TRIP6: variants seen among roughly 807,000 people sequenced by gnomAD.
The protein encoded by TRIP6 is thyroid receptor-interacting protein 6.
TRIP6 carries 33 observed loss-of-function variants against 51.9 expected under a neutral mutation model. The observed-to-expected ratio is 0.64, with a 90% CI of 0.48 to 0.85. The LOEUF (loss-of-function observed/expected upper bound fraction) is 0.85, where lower values mean the gene tolerates loss of function less well. Among genes scored for constraint, TRIP6 ranks in the 40% least tolerant of loss-of-function variants. The probability of loss-of-function intolerance (pLI) is 0.00; values close to 1 mark genes in which losing one functional copy is unlikely to be tolerated. For synonymous variants in TRIP6, 255 were observed against 275.8 expected (o/e 0.92, Z 0.75); for missense variants, 661 against 652.1 (o/e 1.01, Z -0.15).
rs73396638 is a variant in TRIP6 at position 100,869,901 on chromosome 7, A to G, written c.736-469A>G. Among the ~76,000 whole-genome samples the G allele has an allele frequency of 4.5e-3, 678 of 151,572 alleles. 4 individuals carry two copies. The highest frequency in any genetic ancestry group is 0.015 in the African/African-American group (640 of 41,398). ...TTTATTTCTGTTATAATAATAATAG[A>G]ATATATAGTATATATAATTGTTTCG... On this transcript the variant is annotated intron_variant, in intron 4 of 8. Coordinates refer to ENST00000200457, the MANE Select transcript of TRIP6 (RefSeq NM_003302.3).
At position 100,868,194 on chromosome 7, in the gene TRIP6, T is replaced by A; in HGVS notation, c.324T>A (p.Asn108Lys). The change falls in exon 3 of 9, where the codon AAT (asparagine) becomes AAA (lysine). Residue 108 changes from asparagine to lysine, a missense_variant. Asn to Lys is a moderately conservative substitution (Grantham distance 94, BLOSUM62 0). Transcript: ENST00000200457. ...TGAGCAGCACGCTGGCCGAGCTGAA[T>A]GGGGGTCGGGGTCATGCGTCACGGC... ...DLLSSTLAEL[N>K]GGRGHASRRP... The A allele has an allele frequency of 6.2e-7, 1 of 1,610,018 alleles. No homozygotes were observed. Among genetic ancestry groups the A allele is most frequent in the South Asian group, 1.1e-5 (1 of 90,886 alleles).
chr7:100,868,268 C>G lies in TRIP6; in HGVS notation c.363+35C>G, dbSNP rs763610689. 1.1e-5 allele frequency: 18 copies of G among 1,596,694 alleles called. No homozygotes were observed. The South Asian group carries it at 1.8e-4, about 16-fold the overall frequency. ...CCCCTCCTCCCCGTCAGCACCCTGC[C>G]CCCTTCTCTGGACTCTCAGACCCAG... On this transcript the variant is annotated intron_variant, in intron 3 of 8. Coordinates refer to ENST00000200457, the MANE Select transcript of TRIP6 (RefSeq NM_003302.3).
chr7:100,872,855 T>TC (rs1424007994), intron 8 of TRIP6, 111 bp downstream of exon 8: 11 of 1,163,120 alleles, frequency 9.5e-6, no homozygotes, highest in Middle Eastern at 2.4e-4. Flanking sequence ...CTTCTTTCTT[T>TC]TTTTTTTTTT....
intron 8 of TRIP6, 34 bp from the exon 9 acceptor site, chr7:100,873,138 C>T (rs201090738): frequency 2.2e-5 from 35 of 1,599,428 alleles, no homozygotes; most frequent in South Asian, 1.3e-4. Context: ...CGTGAGCCAT[C>T]GCGCCCGGCC....
chr7:100,867,437 G>A lies in TRIP6; in HGVS notation c.-61G>A, dbSNP rs73714205. 1.6e-6 allele frequency: 2 copies of A among 1,229,904 alleles called. No individual in the cohort carries two copies. Among genetic ancestry groups the A allele is most frequent in the Non-Finnish European group, 2.2e-6 (2 of 921,604 alleles). The allele number at this position is 1,229,904 out of a possible 1,614,324, so 76.2% of individuals were successfully genotyped here. On this transcript the variant is annotated 5_prime_UTR_variant, in exon 1 of 9. Coordinates refer to ENST00000200457, the MANE Select transcript of TRIP6 (RefSeq NM_003302.3). This position sits in a 1 kb window ranked among gnomAD's most constrained non-coding sequence, Gnocchi z 5.4. ...CCAAACGAGGTGCGGGACGGAAGAG[G>A]GGGTGAAGGCCAGAGGCTCGGGGCT...
In TRIP6 at chr7:100,870,635, T is replaced by G. The variant is rs141927859; in HGVS notation, c.891T>G (p.Asp297Glu). The G allele has an allele frequency of 1.2e-6, 2 of 1,614,094 alleles. No homozygotes were observed. Among genetic ancestry groups the G allele is most frequent in the Non-Finnish European group, 1.7e-6 (2 of 1,180,004 alleles). ...VGDGAGVVAL[D>E]RVFHVGCFVC... The stretch of plus-strand genomic sequence containing the variant: ...ATGGGGCTGGGGTTGTGGCCCTTGA[T>G]CGCGTCTTTCACGTGGGCTGCTTTG... Residue 297 changes from aspartate to glutamate, a missense_variant, in exon 6 of 9, where the codon GAT becomes GAG. Physicochemically the swap from Asp to Glu is conservative, Grantham distance 45. Transcript: ENST00000200457.
At chr7:100,868,305 C>A in intron 3 of TRIP6, 72 bp downstream of exon 3, 2 of 1,572,506 alleles carry the variant, frequency 1.3e-6, no homozygotes, top group Non-Finnish European at 1.7e-6. Context: ...CTGATCGATC[C>A]CCCATGTGTG....
At chr7:100,869,326 G>A (rs1288585672) in intron 4 of TRIP6, among the ~76,000 whole-genome samples, 1 of 151,484 alleles carries the variant, frequency 6.6e-6, no homozygotes, top group Non-Finnish European at 1.5e-5. Flanking sequence ...GCAGTGCGGG[G>A]GAGCAGGATA....
Position 100,869,600 on chromosome 7 carries a change from C to A in TRIP6, c.735+734C>A, listed in dbSNP as rs141272392. Reference sequence around the variant, plus strand: ...TGAGCCGAGATCGCACCACTGCTCTCCAACCTGGGCAACAAGAGCAAAACT... The same window carrying A: ...TGAGCCGAGATCGCACCACTGCTCTACAACCTGGGCAACAAGAGCAAAACT... On this transcript the variant is annotated intron_variant, in intron 4 of 8. Coordinates refer to ENST00000200457, the MANE Select transcript of TRIP6 (RefSeq NM_003302.3). Among the ~76,000 whole-genome samples, 462 of 144,592 alleles carry A rather than the reference C, an allele frequency of 3.2e-3. 4 individuals carry two copies. The highest frequency in any genetic ancestry group is 0.012 in the African/African-American group (446 of 38,390). 94.9% of individuals were successfully genotyped at this position (144,592 alleles called of 152,430 possible). A position where few individuals can be genotyped will look rare whatever the true frequency, so the allele number is the denominator to read the frequency against.
At position 100,867,787 on chromosome 7, in the gene TRIP6, G is replaced by C; in HGVS notation, c.110-74G>C. The C allele has an allele frequency of 6.6e-7, 1 of 1,516,468 alleles. No individual in the cohort carries two copies. The highest frequency in any genetic ancestry group is 1.3e-5 in the South Asian group (1 of 74,978). The allele number at this position is 1,516,468 out of a possible 1,614,324, so 93.9% of individuals were successfully genotyped here. A position where few individuals can be genotyped will look rare whatever the true frequency, so the allele number is the denominator to read the frequency against. The stretch of plus-strand genomic sequence containing the variant: ...GGGGGAGGAGGTAACGAGAGGCGGA[G>C]AGGGTGGCTCCTCAAATATACACCC... On this transcript the variant is annotated intron_variant, in intron 1 of 8. Transcript: ENST00000200457. The surrounding 1 kb of genome is among the most constrained non-coding windows in gnomAD (Gnocchi z 5.4).
chr7:100,870,792 G>A (rs779156084), intron 6 of TRIP6, 49 bp downstream of exon 6: 3 of 1,574,396 alleles, frequency 1.9e-6, no homozygotes, highest in Admixed American at 1.8e-5. Flanking sequence ...GATGCAGGGG[G>A]CTTCCATCCA....
intron 6 of TRIP6, 56 bp from the exon 7 acceptor site, chr7:100,871,487 T>C (rs368744013): frequency 3.2e-6 from 5 of 1,581,826 alleles, no homozygotes; most frequent in Non-Finnish European, 4.3e-6. Flanking sequence ...GGGGTTCCTG[T>C]TGAGCTGCCA....
At position 100,867,465 on chromosome 7, in the gene TRIP6, A is replaced by G. The variant is rs1815162387; in HGVS notation, c.-33A>G. ...GTGAAGGCCAGAGGCTCGGGGCTTC[A>G]AGACCGCTGTCTGGAGTCCCCCTTT... is the stretch of plus-strand genomic sequence containing the variant. On this transcript the variant is annotated 5_prime_UTR_variant, in exon 1 of 9. Coordinates refer to ENST00000200457, the MANE Select transcript of TRIP6 (RefSeq NM_003302.3). This position sits in a 1 kb window ranked among gnomAD's most constrained non-coding sequence, Gnocchi z 5.4. 7.8e-6 allele frequency: 11 copies of G among 1,402,598 alleles called. No homozygotes were observed. Among genetic ancestry groups the G allele is most frequent in the Non-Finnish European group, 7.5e-6 (8 of 1,067,612 alleles). The allele number at this position is 1,402,598 out of a possible 1,614,324, so 86.9% of individuals were successfully genotyped here.
chr7:100,872,844 GCTT>G (rs921693604), intron 8 of TRIP6, 100 bp downstream of exon 8: 77 of 1,458,750 alleles, frequency 5.3e-5, no homozygotes, highest in African/African-American at 7.2e-5. Flanking sequence ...GAAACCTGTT[GCTT>G]CTTTCTTTTT....
In TRIP6 at chr7:100,868,569, G is replaced by T. The variant is rs776479176; in HGVS notation, c.438G>T (p.Ala146=). 3 of 1,613,000 alleles carry T rather than the reference G, an allele frequency of 1.9e-6. No homozygotes were observed. The highest frequency in any genetic ancestry group is 2.5e-6 in the Non-Finnish European group (3 of 1,180,002). Residue 146 remains alanine (A), a synonymous_variant, in exon 4 of 9, where the codon GCG becomes GCT. Coordinates refer to ENST00000200457, the MANE Select transcript of TRIP6 (RefSeq NM_003302.3). ...CAAATCCAGCCTCGCCGCTCCCAGCGTCTCCCTATGGGGGCCCCACTCCAG... is the reference window on the plus strand; with the variant it reads ...CAAATCCAGCCTCGCCGCTCCCAGCTTCTCCCTATGGGGGCCCCACTCCAG... The part of the protein sequence containing the change: ...LKPNPASPLP[A]SPYGGPTPAS...
intron 6 of TRIP6, chr7:100,871,023 T>C (rs745632582): frequency 7.2e-5 from 45 of 628,744 alleles, no homozygotes; most frequent in South Asian, 6.7e-4. Context: ...GTATTACTAC[T>C]GATTCCTGGT....
Position 100,867,648 on chromosome 7 carries a change from G to A in TRIP6, c.109+42G>A, listed in dbSNP as rs375211641. The A allele has an allele frequency of 4.5e-5, 70 of 1,557,174 alleles. No individual in the cohort carries two copies. In the African/African-American group the frequency reaches 9.0e-4, roughly 20 times the overall value. On this transcript the variant is annotated intron_variant, in intron 1 of 8. Transcript: ENST00000200457. The surrounding 1 kb of genome is among the most constrained non-coding windows in gnomAD (Gnocchi z 5.4). ...GAGACAGAAGAGCCACCCAGCTGTG[G>A]CGCTCACCTCTGTCCTACCGCTCCA...
chr7:100,872,729 C>T lies in TRIP6; in HGVS notation c.1284C>T (p.Gly428=). 6.2e-7 allele frequency: 1 copy of T among 1,614,014 alleles called. No individual in the cohort carries two copies. Among genetic ancestry groups the T allele is most frequent in the Non-Finnish European group, 8.5e-7 (1 of 1,179,962 alleles). The change falls in exon 8 of 9, where the codon GGC becomes GGT. Residue 428 remains glycine (G), a synonymous_variant. Transcript: ENST00000200457. ...CTCTGGATCGAAGTTTTCACATTGGCTGTTACAAGTGCGAGGTCAGGGGCC... is the reference window on the plus strand; with the variant it reads ...CTCTGGATCGAAGTTTTCACATTGGTTGTTACAAGTGCGAGGTCAGGGGCC... ...IVALDRSFHI[G]CYKCEECGLL...
intron 7 of TRIP6, 146 bp from the exon 8 acceptor site, chr7:100,872,478 C>G: frequency 7.8e-7 from 1 of 1,289,948 alleles, no homozygotes; most frequent in Non-Finnish European, 1.0e-6. Context: ...CTCTCTCATT[C>G]TCTTTGACAT....
Sources: gnomAD v4.1 joint callset for allele counts (sites outside exome capture counted in the v4.1 genomes callset) on GRCh38, gnomAD v4.1.1 for gene constraint, Gnocchi (gnomAD v3.1) non-coding constraint, MANE v1.5 for transcripts, NCBI Gene and HGNC (gene_info 2026-07-23, HGNC 2026-07-21) for gene names.